OAT: variants seen among roughly 807,000 people sequenced by gnomAD.
OAT encodes ornithine aminotransferase, mitochondrial.
In OAT, 35 loss-of-function variants were observed where a neutral mutation model predicts 48.4. The ratio of observed to expected loss-of-function variants is 0.72; its 90% confidence interval spans 0.55 to 0.96. The LOEUF (loss-of-function observed/expected upper bound fraction) is 0.96, where lower values mean the gene tolerates loss of function less well. Ranked by LOEUF, OAT falls within the 40% of genes least tolerant of loss-of-function variation. The pLI, the probability that OAT is intolerant of heterozygous loss-of-function variation, is 0.00. For missense variants in OAT, 438 were observed against 537.9 expected (o/e 0.81, Z 1.84); for synonymous variants, 182 against 198.4 (o/e 0.92, Z 0.70).
chr10:124,407,759 C>T (rs1232611651), intron 4 of OAT, among the ~76,000 whole-genome samples: 1 of 152,116 alleles, frequency 6.6e-6, no homozygotes, highest in African/African-American at 2.4e-5. Flanking sequence ...AAGTCAGAAC[C>T]TCTCATTTGA....
At chr10:124,405,971 CG>C in intron 4 of OAT, 1 of 1,094,050 alleles carries the variant, frequency 9.1e-7, no homozygotes, top group Non-Finnish European at 1.1e-6. Flanking sequence ...AGACAATTAG[CG>C]GTTTTCCTTT....
chr10:124,409,559 A>AT (rs11387789), intron 2 of OAT, among the ~76,000 whole-genome samples: 124,882 of 151,698 alleles, frequency 0.82, 51,550 homozygotes, highest in East Asian at 0.96. Context: ...TATAAAAAAA[A>AT]AAAATAAAAT....
At chr10:124,405,852 T>C (rs1951560536) in intron 4 of OAT, 1 of 1,216,642 alleles carries the variant, frequency 8.2e-7, no homozygotes, top group African/African-American at 1.6e-5. Context: ...CTTACTTTTC[T>C]TTCAATAATC....
intron 8 of OAT, 90 bp downstream of exon 8, chr10:124,401,636 G>A: frequency 1.2e-6 from 1 of 867,676 alleles, no homozygotes; most frequent in Non-Finnish European, 1.9e-6. Context: ...CATTCTTATT[G>A]AATTTTTTAT....
intron 5 of OAT, 36 bp downstream of exon 5, chr10:124,405,400 C>T (rs1434640449): frequency 6.2e-7 from 1 of 1,611,762 alleles, no homozygotes; most frequent in South Asian, 1.1e-5. Flanking sequence ...AATTTCTATT[C>T]CCAATGAGCT....
chr10:124,413,267 TACACACACACAC>T (rs58272470), intron 1 of OAT, among the ~76,000 whole-genome samples: 4,214 of 134,664 alleles, frequency 0.031, 194 homozygotes, highest in African/African-American at 0.1. Flanking sequence ...CATAAATACA[TACACACACACAC>T]ACACACACAC....
intron 4 of OAT, 70 bp downstream of exon 4, chr10:124,408,472 C>G: frequency 4.5e-6 from 6 of 1,344,154 alleles, no homozygotes; most frequent in Non-Finnish European, 6.3e-6. Flanking sequence ...AGGCATGAGC[C>G]ACCATGCCTG....
chr10:124,403,036 T>C lies in OAT; in HGVS notation c.791A>G (p.Glu264Gly). The change falls in exon 7 of 10, where the codon GAA becomes GGA. Residue 264 changes from glutamate (E) to glycine (G), a missense_variant. Glu to Gly is a moderately conservative substitution (Grantham distance 98). Transcript: ENST00000368845. ...AGTTCTGGCCAATCCTGTCTGTATT[T>C]CATCAGCAATAAAGAGAACCTATTG... ...TRHQVLFIAD[E>G]IQTGLARTGR... 1 of 1,614,136 alleles carries C rather than the reference T, an allele frequency of 6.2e-7. No individual in the cohort carries two copies. Among genetic ancestry groups the C allele is most frequent in the South Asian group, 1.1e-5 (1 of 91,082 alleles).
chr10:124,412,065 C>A lies in OAT; in HGVS notation c.107G>T (p.Gly36Val). The A allele has an allele frequency of 6.2e-7, 1 of 1,614,112 alleles. No homozygotes were observed. Among genetic ancestry groups the A allele is most frequent in the Non-Finnish European group, 8.5e-7 (1 of 1,180,006 alleles). Reference sequence around the variant, plus strand: ...AAAAATGTCATCAGAGGTTGGAGGGCCTTGGACTGTTTTTTTAGTTGCAAC... The same window carrying A: ...AAAAATGTCATCAGAGGTTGGAGGGACTTGGACTGTTTTTTTAGTTGCAAC... ...TSVATKKTVQ[G>V]PPTSDDIFER... is the part of the protein sequence containing the mutation. The change falls in exon 2 of 10, where the codon GGC (glycine) becomes GTC (valine). Residue 36 changes from glycine (G) to valine (V), a missense_variant. Physicochemically the swap from Gly to Val is moderately radical, Grantham distance 109. Transcript: ENST00000368845.
At chr10:124,416,265 CCT>C (rs934497317) in intron 1 of OAT, among the ~76,000 whole-genome samples, 1 of 152,152 alleles carries the variant, frequency 6.6e-6, no homozygotes, top group African/African-American at 2.4e-5. Flanking sequence ...GGTTGGGCAT[CCT>C]GTGGGCCTTT....
rs1453312313 is a variant in OAT, at chr10:124,412,129, T to A, written c.43A>T (p.Ser15Cys). Residue 15 changes from serine (S) to cysteine (C), a missense_variant, in exon 2 of 10, where the codon AGT (serine) becomes TGT (cysteine). By Grantham distance (112) the Ser-to-Cys change is moderately radical (BLOSUM62 -1). Coordinates refer to ENST00000368845, the MANE Select transcript of OAT (RefSeq NM_000274.4). ...GCCACTGAAGAATGAACTCCGCGACTAAGTACAGCAAACCTCTGCAAATGT... is the reference window on the plus strand; with the variant it reads ...GCCACTGAAGAATGAACTCCGCGACAAAGTACAGCAAACCTCTGCAAATGT... Reference protein sequence around the residue: ...LAHLQRFAVLSRGVHSSVASA... With the variant: ...LAHLQRFAVLCRGVHSSVASA... 6.2e-7 allele frequency: 1 copy of A among 1,614,196 alleles called. No individual in the cohort carries two copies. The highest frequency in any genetic ancestry group is 1.3e-5 in the African/African-American group (1 of 75,062).
intron 1 of OAT, among the ~76,000 whole-genome samples, chr10:124,418,608 C>G (rs1362345493): frequency 6.6e-6 from 1 of 152,158 alleles, no homozygotes; most frequent in Non-Finnish European, 1.5e-5. Flanking sequence ...CTCCGGCCTG[C>G]AAGCCGTGGG....
chr10:124,403,709 CAG>C, intron 6 of OAT, 87 bp downstream of exon 6: 7 of 1,550,800 alleles, frequency 4.5e-6, no homozygotes, highest in South Asian at 1.1e-5. Context: ...CAGCAGAATT[CAG>C]AGAGGAGTTG....
At chr10:124,400,250 C>A (rs1352119018) in intron 9 of OAT, among the ~76,000 whole-genome samples, 1 of 150,850 alleles carries the variant, frequency 6.6e-6, no homozygotes, top group South Asian at 2.1e-4. Flanking sequence ...GAGATCGAGA[C>A]CACCCTGGCC....
intron 9 of OAT, among the ~76,000 whole-genome samples, chr10:124,398,841 C>A (rs1951313247): frequency 6.6e-6 from 1 of 151,704 alleles, no homozygotes; most frequent in Non-Finnish European, 1.5e-5. Flanking sequence ...ATGGTGAAAC[C>A]CCATCTCTAA....
intron 4 of OAT, among the ~76,000 whole-genome samples, chr10:124,408,320 T>TAC (rs1564735937): frequency 1.9e-4 from 12 of 61,810 alleles, no homozygotes; most frequent in Non-Finnish European, 3.3e-4. Flanking sequence ...TGTGTGTGTA[T>TAC]ATATATATAT....
At chr10:124,403,694 C>A in intron 6 of OAT, 104 bp downstream of exon 6, 1 of 1,484,694 alleles carries the variant, frequency 6.7e-7, no homozygotes, top group Non-Finnish European at 9.4e-7. Flanking sequence ...TTGCATTTAT[C>A]CAATCAGCAG....
Position 124,412,198 on chromosome 10 carries a change from G to C in OAT, c.-27C>G. ...GTGTCCTTCAAGTAGAAAAACCACA[G>C]ATCTGTCCAAAGAAAAGAGAATGCA... On this transcript the variant is annotated splice_region_variant and 5_prime_UTR_variant, in exon 2 of 10. In the 5' UTR this introduces an upstream ATG that the reference lacks. Transcript: ENST00000368845. 1 of 1,599,370 alleles carries C rather than the reference G, an allele frequency of 6.3e-7. No individual in the cohort carries two copies. Among genetic ancestry groups the C allele is most frequent in the South Asian group, 1.1e-5 (1 of 90,786 alleles).
At chr10:124,406,811 A>AG (rs915270167) in intron 4 of OAT, 16 of 310,754 alleles carry the variant, frequency 5.1e-5, no homozygotes, top group Non-Finnish European at 9.3e-6. Flanking sequence ...TCAAAAAAAA[A>AG]AAAAAAAAAA....
Sources: allele counts gnomAD v4.1 joint callset (sites outside exome capture counted in the v4.1 genomes callset), GRCh38; gene constraint gnomAD v4.1.1; transcripts MANE v1.5; gene names NCBI Gene and HGNC (gene_info 2026-07-23, HGNC 2026-07-21).